LRRK2: variants seen among roughly 807,000 people sequenced by gnomAD.
LRRK2 encodes the protein leucine-rich repeat serine/threonine-protein kinase 2.
LRRK2 carries 203 observed loss-of-function variants against 302.6 expected under a neutral mutation model. The observed-to-expected ratio is 0.67, with a 90% CI of 0.60 to 0.75. The LOEUF is 0.75. Ranked by LOEUF, LRRK2 falls within the 30% of genes least tolerant of loss-of-function variation. LRRK2 has a pLI of 0.00. For missense variants in LRRK2, 2,830 were observed against 2,951.0 expected (o/e 0.96, Z 0.95); for synonymous variants, 1,066 against 1,031.9 (o/e 1.03, Z -0.63).
At position 40,323,190 on chromosome 12, in the gene LRRK2, G is replaced by C. The variant is rs142998392; in HGVS notation, c.5540G>C (p.Arg1847Thr). The stretch of plus-strand genomic sequence containing the variant: ...CTCTTAGTAAATCCAGATCAACCAA[G>C]GCTCACCATTCCAATATCTCAGATT... ...GDLLVNPDQP[R>T]LTIPISQIAP... The change falls in exon 38 of 51, where the codon AGG (arginine) becomes ACG (threonine). Residue 1847 changes from arginine to threonine, a missense_variant. Physicochemically the swap from Arg to Thr is moderately conservative, Grantham distance 71. Transcript: ENST00000298910. 2 of 1,613,080 alleles carry C rather than the reference G, an allele frequency of 1.2e-6. No individual in the cohort carries two copies. Among genetic ancestry groups the C allele is most frequent in the African/African-American group, 1.3e-5 (1 of 74,848 alleles).
At chr12:40,351,818 C>A in intron 44 of LRRK2, 85 bp downstream of exon 44, 1 of 1,295,748 alleles carries the variant, frequency 7.7e-7, no homozygotes, top group Non-Finnish European at 1.1e-6. Context: ...AAATAAGAGC[C>A]AATGTAGGAT....
chr12:40,278,381 T>C (rs1943550097), intron 18 of LRRK2, 120 bp downstream of exon 18: 1 of 1,249,052 alleles, frequency 8.0e-7, no homozygotes, highest in East Asian at 2.4e-5. Context: ...TTTACCAGTT[T>C]ATTGCAATTG....
chr12:40,329,747 A>T (rs1039373418), intron 39 of LRRK2, among the ~76,000 whole-genome samples: 1 of 152,070 alleles, frequency 6.6e-6, no homozygotes, highest in Admixed American at 6.6e-5. Context: ...TTAAAAAAAA[A>T]TTTGTTTTTA....
At chr12:40,266,506 A>G (rs556040201) in intron 14 of LRRK2, among the ~76,000 whole-genome samples, 1,606 of 152,038 alleles carry the variant, frequency 0.011, 32 homozygotes, top group African/African-American at 0.037. Flanking sequence ...GAAACAACAG[A>G]TGCTGGAGAG....
At chr12:40,338,390 GTTTAC>G (rs1282489677) in intron 40 of LRRK2, among the ~76,000 whole-genome samples, 1 of 152,122 alleles carries the variant, frequency 6.6e-6, no homozygotes, top group Non-Finnish European at 1.5e-5. Context: ...ATCAGATAAA[GTTTAC>G]TTTAAGCTAT....
At chr12:40,248,640 C>T (rs1483386340) in intron 7 of LRRK2, among the ~76,000 whole-genome samples, 1 of 152,116 alleles carries the variant, frequency 6.6e-6, no homozygotes, top group Non-Finnish European at 1.5e-5. Flanking sequence ...TTTTGCCAAA[C>T]TATGTAATCT....
intron 18 of LRRK2, among the ~76,000 whole-genome samples, chr12:40,281,719 T>C (rs751924114): frequency 2.6e-4 from 40 of 152,248 alleles, no homozygotes; most frequent in Non-Finnish European, 5.1e-4. Flanking sequence ...TTCTCATATA[T>C]GTCTCTCTTC....
intron 46 of LRRK2, among the ~76,000 whole-genome samples, chr12:40,358,981 A>C (rs1008345786): frequency 1.3e-5 from 2 of 150,608 alleles, no homozygotes; most frequent in African/African-American, 4.9e-5. Flanking sequence ...TTTTGTAGCT[A>C]CTTCAAATGG....
At position 40,315,358 on chromosome 12, in the gene LRRK2, C is replaced by A. The variant is rs373801896; in HGVS notation, c.4827+58C>A. ...TATGGTCAAAGCATAGAACAGATGG[C>A]GCCCAGAGCATTGAGCATTTTAGAA... On this transcript the variant is annotated intron_variant, in intron 33 of 50. Coordinates refer to ENST00000298910, the MANE Select transcript of LRRK2 (RefSeq NM_198578.4). 1.8e-5 allele frequency: 24 copies of A among 1,369,888 alleles called. No homozygotes were observed. The Admixed American group carries it at 3.7e-4, about 21-fold the overall frequency. The allele number at this position is 1,369,888 out of a possible 1,614,324, so 84.9% of individuals were successfully genotyped here. A position where few individuals can be genotyped will look rare whatever the true frequency, so the allele number is the denominator to read the frequency against.
chr12:40,359,491 T>C (rs1167200346), intron 47 of LRRK2, 47 bp downstream of exon 47: 4 of 1,516,298 alleles, frequency 2.6e-6, no homozygotes, highest in Non-Finnish European at 2.7e-6. Context: ...TATACTTTTG[T>C]TTTTTCCTTA....
At position 40,323,149 on chromosome 12, in the gene LRRK2, T is replaced by C; in HGVS notation, c.5510-11T>C. ...TTGTTTTTATTTAAAAAATGTTTTA[T>C]TACTTCTCAGGAGATCTCTTAGTAA... On this transcript the variant is annotated splice_polypyrimidine_tract_variant and intron_variant, in intron 37 of 50. Transcript: ENST00000298910. 3 of 1,610,054 alleles carry C rather than the reference T, an allele frequency of 1.9e-6. No homozygotes were observed. In the East Asian group the frequency reaches 6.7e-5, roughly 36 times the overall value.
intron 7 of LRRK2, among the ~76,000 whole-genome samples, chr12:40,246,753 T>TC (rs1378586773): frequency 1.3e-5 from 2 of 152,168 alleles, no homozygotes; most frequent in Admixed American, 6.6e-5. Context: ...GAGACTCTGG[T>TC]TGAGACCTTA....
chr12:40,263,152 ATTAT>A (rs1942849840), intron 13 of LRRK2, among the ~76,000 whole-genome samples: 1 of 152,220 alleles, frequency 6.6e-6, no homozygotes, highest in South Asian at 2.1e-4. Flanking sequence ...TTTGGAAAAC[ATTAT>A]TCATTCATAA....
chr12:40,293,783 A>G, intron 21 of LRRK2, 120 bp downstream of exon 21: 1 of 673,734 alleles, frequency 1.5e-6, no homozygotes, highest in Non-Finnish European at 2.7e-6. Flanking sequence ...TATGAAAACT[A>G]TAATTTTGAG....
rs534942012 is a variant in LRRK2 at position 40,267,576 on chromosome 12, A to G, written c.1656+3675A>G. Among the ~76,000 whole-genome samples the G allele has an allele frequency of 1.4e-4, 22 of 152,286 alleles. No individual in the cohort carries two copies. In the South Asian group the frequency reaches 3.3e-3, roughly 23 times the overall value. ...GCCAAGAGAGCAAGTAAGTGCTGTGATGTGGAGAAAATCACTTTGTTCCAA... is the reference window on the plus strand; with the variant it reads ...GCCAAGAGAGCAAGTAAGTGCTGTGGTGTGGAGAAAATCACTTTGTTCCAA... On this transcript the variant is annotated intron_variant, in intron 14 of 50. Coordinates refer to ENST00000298910, the MANE Select transcript of LRRK2 (RefSeq NM_198578.4).
chr12:40,362,237 A>G (rs900736247), intron 47 of LRRK2, among the ~76,000 whole-genome samples: 2 of 152,026 alleles, frequency 1.3e-5, no homozygotes, highest in East Asian at 1.9e-4. Flanking sequence ...ACAACACATC[A>G]TATTTTTACC....
At position 40,267,622 on chromosome 12, in the gene LRRK2, A is replaced by G. The variant is rs577778514; in HGVS notation, c.1656+3721A>G. On this transcript the variant is annotated intron_variant, in intron 14 of 50. Coordinates refer to ENST00000298910, the MANE Select transcript of LRRK2 (RefSeq NM_198578.4). ...TCCAACTGAGAAGAAATGGTTGAGC[A>G]CTGCTTTTCCCCCATGCCAGTACTG... 5.3e-5 allele frequency among the ~76,000 whole-genome samples: 8 copies of G among 152,254 alleles called. 2 individuals are homozygous for G. The South Asian group carries it at 1.5e-3, about 28-fold the overall frequency.
In LRRK2 at chr12:40,308,793, GTAGACTGTATGGA is replaced by G. The variant is rs1345662549; in HGVS notation, c.4189+98_4189+110del. On this transcript the variant is annotated intron_variant, in intron 29 of 50. Transcript: ENST00000298910. ...TTCTGTTCTAATATCCAGAAACCTG[GTAGACTGTATGGA>G]ATTATTCCAAAGCCCTTCATTTCTC... 6 of 1,140,320 alleles carry G rather than the reference GTAGACTGTATGGA, an allele frequency of 5.3e-6. No homozygotes were observed. In the African/African-American group the frequency reaches 9.3e-5, roughly 18 times the overall value. The allele number at this position is 1,140,320 out of a possible 1,614,324, so 70.6% of individuals were successfully genotyped here.
chr12:40,265,691 C>A (rs1942978890), intron 14 of LRRK2, among the ~76,000 whole-genome samples: 1 of 152,162 alleles, frequency 6.6e-6, no homozygotes, highest in African/African-American at 2.4e-5. Flanking sequence ...AGCAAAGGGT[C>A]AGTCTGAGGA....
Sources: gnomAD v4.1 joint callset for allele counts (sites outside exome capture counted in the v4.1 genomes callset) on GRCh38, gnomAD v4.1.1 for gene constraint, MANE v1.5 for transcripts, NCBI Gene and HGNC (gene_info 2026-07-23, HGNC 2026-07-21) for gene names.